Variants in ZNF143 observed in about 807,000 individuals in gnomAD.
ZNF143 encodes SPH-binding factor.
Under a neutral mutation model 74.1 loss-of-function variants are expected in ZNF143, and 49 were observed. That is an observed-to-expected ratio of 0.66 (90% CI 0.53 to 0.84). The LOEUF (loss-of-function observed/expected upper bound fraction) is 0.84. Ranked by LOEUF, ZNF143 falls within the 40% of genes least tolerant of loss-of-function variation. The pLI, the probability that ZNF143 is intolerant of heterozygous loss-of-function variation, is 0.00. For missense variants in ZNF143, 637 were observed against 793.4 expected (o/e 0.80, Z 2.37); for synonymous variants, 304 against 282.8 (o/e 1.07, Z -0.75).
rs1316810290 is a variant in ZNF143, at chr11:9,516,361, A to G, written c.1685A>G (p.Gln562Arg). ...MVTAEGTEGEQVAIVAQDLAA... is the reference protein window; with the variant it reads ...MVTAEGTEGERVAIVAQDLAA... ...ACTGCTGAGGGTACAGAAGGGGAAC[A>G]GGTAATTACTTTTTTCTGTTATGTC... Residue 562 changes from glutamine to arginine, a missense_variant and splice_region_variant, in exon 14 of 16, where the codon CAG becomes CGG. By Grantham distance (43) the Gln-to-Arg change is conservative. Transcript: ENST00000396602. 3 of 1,607,658 alleles carry G rather than the reference A, an allele frequency of 1.9e-6. No individual in the cohort carries two copies. The highest frequency in any genetic ancestry group is 2.5e-6 in the Non-Finnish European group (3 of 1,176,590).
At chr11:9,483,486 C>G (rs1229146120) in intron 7 of ZNF143, among the ~76,000 whole-genome samples, 1 of 148,540 alleles carries the variant, frequency 6.7e-6, no homozygotes, top group Admixed American at 6.7e-5. Context: ...TTAGTAGAGA[C>G]AGGGTTTTAC....
intron 8 of ZNF143, among the ~76,000 whole-genome samples, chr11:9,495,279 T>A (rs1479355197): frequency 6.6e-6 from 1 of 152,062 alleles, no homozygotes; most frequent in African/African-American, 2.4e-5. Flanking sequence ...CCCTTTCTAC[T>A]AAAAATACAA....
At chr11:9,473,866 G>A (rs745564379) in intron 3 of ZNF143, 75 bp from the exon 4 acceptor site, 1 of 1,612,088 alleles carries the variant, frequency 6.2e-7, no homozygotes, top group African/African-American at 1.3e-5. Flanking sequence ...TTTTATAGTT[G>A]ATATCATTTT....
intron 1 of ZNF143, among the ~76,000 whole-genome samples, chr11:9,469,215 CTTTTTTTTT>C (rs33968880): frequency 4.1e-5 from 4 of 97,464 alleles, no homozygotes; most frequent in Admixed American, 2.6e-4. Context: ...CAGCAGGGGT[CTTTTTTTTT>C]TTTTTTTTTT....
At chr11:9,518,070 G>A (rs995177757) in intron 14 of ZNF143, among the ~76,000 whole-genome samples, 1 of 152,094 alleles carries the variant, frequency 6.6e-6, no homozygotes, top group African/African-American at 2.4e-5. Context: ...ATGAACAACC[G>A]TTAAAAATGA....
At chr11:9,467,394 C>A (rs920080908) in intron 1 of ZNF143, among the ~76,000 whole-genome samples, 1 of 151,934 alleles carries the variant, frequency 6.6e-6, no homozygotes, top group Non-Finnish European at 1.5e-5. Flanking sequence ...CCACCATACC[C>A]GGCTGATTTT....
chr11:9,516,054 C>G lies in ZNF143; in HGVS notation c.1525-147C>G, dbSNP rs142897942. 185 of 409,540 alleles carry G rather than the reference C, an allele frequency of 4.5e-4. 1 individual carries two copies. Among genetic ancestry groups the G allele is most frequent in the African/African-American group, 3.3e-3 (165 of 49,452 alleles). 25.4% of individuals were successfully genotyped at this position (409,540 alleles called of 1,614,324 possible). A position where few individuals can be genotyped will look rare whatever the true frequency, so the allele number is the denominator to read the frequency against. On this transcript the variant is annotated intron_variant, in intron 13 of 15. Transcript: ENST00000396602. Reference sequence around the variant, plus strand: ...TAAAAGAAATATTGTATTGATTTTTCTGATGACTGAATGAGTTTATTTCAT... The same window carrying G: ...TAAAAGAAATATTGTATTGATTTTTGTGATGACTGAATGAGTTTATTTCAT...
intron 7 of ZNF143, among the ~76,000 whole-genome samples, chr11:9,490,982 C>T (rs746128655): frequency 6.6e-6 from 1 of 152,256 alleles, no homozygotes; most frequent in Admixed American, 6.5e-5. Context: ...ATCCTCCCAC[C>T]TTGGCCTCCT....
chr11:9,516,899 C>T (rs1848744085), intron 14 of ZNF143, among the ~76,000 whole-genome samples: 1 of 152,090 alleles, frequency 6.6e-6, no homozygotes, highest in Admixed American at 6.6e-5. Flanking sequence ...TCATCTCCCC[C>T]TACCTTTTTT....
Position 9,478,564 on chromosome 11 carries a change from C to G in ZNF143, c.548C>G (p.Ala183Gly), listed in dbSNP as rs1172304469. ...ACAATTGACCCTGACACCATCAGTGCTTTGGAACAGTATGCAGCAAAGGTA... is the reference window on the plus strand; with the variant it reads ...ACAATTGACCCTGACACCATCAGTGGTTTGGAACAGTATGCAGCAAAGGTA... Reference protein sequence around the residue: ...DATIDPDTISALEQYAAKVSI... With the variant: ...DATIDPDTISGLEQYAAKVSI... The change falls in exon 6 of 16, where the codon GCT becomes GGT. Residue 183 changes from alanine (A) to glycine (G), a missense_variant. Around this residue, in one of 2 missense-constraint regions of ZNF143, gnomAD observed 293 missense variants for 307.8 expected, o/e 0.95. Coordinates refer to ENST00000396602, the MANE Select transcript of ZNF143 (RefSeq NM_003442.6). The G allele has an allele frequency of 1.9e-6, 3 of 1,614,098 alleles. No individual in the cohort carries two copies. The highest frequency in any genetic ancestry group is 4.5e-5 in the East Asian group (2 of 44,870).
Position 9,502,770 on chromosome 11 carries a change from A to T in ZNF143, c.1147+1500A>T, listed in dbSNP as rs879640181. Among the ~76,000 whole-genome samples the T allele has an allele frequency of 7.9e-5, 12 of 152,010 alleles. No individual in the cohort carries two copies. In the East Asian group the frequency reaches 9.6e-4, roughly 12 times the overall value. On this transcript the variant is annotated intron_variant, in intron 11 of 15. Transcript: ENST00000396602. Reference sequence around the variant, plus strand: ...CCCCGCCCCCCAGGTGTAAGCAATCACGAATCTACTTTCTCTTCTATGGGT... The same window carrying T: ...CCCCGCCCCCCAGGTGTAAGCAATCTCGAATCTACTTTCTCTTCTATGGGT...
chr11:9,489,018 G>A (rs1444689804), intron 7 of ZNF143, among the ~76,000 whole-genome samples: 2 of 152,222 alleles, frequency 1.3e-5, no homozygotes, highest in African/African-American at 4.8e-5. Flanking sequence ...AATACTCTAT[G>A]CATTGAGGTA....
intron 1 of ZNF143, among the ~76,000 whole-genome samples, chr11:9,469,261 C>A (rs796080074): frequency 1.6e-4 from 21 of 128,332 alleles, no homozygotes; most frequent in African/African-American, 5.8e-4. Flanking sequence ...TACGGAGTTT[C>A]GCTCTTGTTG....
intron 14 of ZNF143, among the ~76,000 whole-genome samples, chr11:9,521,539 C>T (rs1848926700): frequency 6.6e-6 from 1 of 151,254 alleles, no homozygotes; most frequent in Admixed American, 6.6e-5. Context: ...CCATCTATGC[C>T]CAGAGTTTTC....
chr11:9,486,371 A>ATAATATATATATAATATATATAAT (rs1477531952), intron 7 of ZNF143, among the ~76,000 whole-genome samples: 1 of 36,720 alleles, frequency 2.7e-5, no homozygotes, highest in African/African-American at 1.3e-4. Flanking sequence ...TATTATATAT[A>ATAATATATATATAATATATATAAT]ATATATTATA....
At position 9,462,610 on chromosome 11, in the gene ZNF143, A is replaced by C. The variant is rs540552667; in HGVS notation, c.-8+1534A>C. Among the ~76,000 whole-genome samples, 5 of 151,914 alleles carry C rather than the reference A, an allele frequency of 3.3e-5. No individual in the cohort carries two copies. The South Asian group carries it at 1.0e-3, about 32-fold the overall frequency. On this transcript the variant is annotated intron_variant, in intron 1 of 15. Coordinates refer to ENST00000396602, the MANE Select transcript of ZNF143 (RefSeq NM_003442.6). ...AATTTTAGCCTGGGTGTGGTGGCTCACACCTGTAATCTCAGCACTTTGGGA... is the reference window on the plus strand; with the variant it reads ...AATTTTAGCCTGGGTGTGGTGGCTCCCACCTGTAATCTCAGCACTTTGGGA...
At chr11:9,486,445 T>TTA (rs201824332) in intron 7 of ZNF143, among the ~76,000 whole-genome samples, 6,459 of 35,054 alleles carry the variant, frequency 0.18, 1,470 homozygotes, top group Non-Finnish European at 0.3. Context: ...ATATAATATA[T>TTA]TATATATATT....
At chr11:9,506,367 AATT>A (rs1338817389) in intron 11 of ZNF143, among the ~76,000 whole-genome samples, 2 of 152,220 alleles carry the variant, frequency 1.3e-5, no homozygotes, top group African/African-American at 4.8e-5. Context: ...AATACAGACT[AATT>A]ATCTGAAAGC....
chr11:9,474,065 C>T (rs560403263), intron 4 of ZNF143, 41 bp downstream of exon 4: 1 of 1,517,380 alleles, frequency 6.6e-7, no homozygotes, highest in Admixed American at 1.7e-5. Context: ...CATTTTAATT[C>T]TCAGCTTTTA....
Sources: gnomAD v4.1 joint callset for allele counts (sites outside exome capture counted in the v4.1 genomes callset) on GRCh38, gnomAD v4.1.1 for gene constraint, gnomAD v4.1.1 regional missense constraint, MANE v1.5 for transcripts, NCBI Gene and HGNC (gene_info 2026-07-23, HGNC 2026-07-21) for gene names.